Variants in SGCZ observed in about 807,000 individuals in gnomAD.
SGCZ encodes the protein zeta-sarcoglycan.
Under a neutral mutation model 41.3 loss-of-function variants are expected in SGCZ, and 40 were observed. The observed-to-expected ratio is 0.97, with a 90% CI of 0.75 to 1.26. The LOEUF is 1.26. SGCZ is among the 50% of genes most tolerant of loss of function. The probability of loss-of-function intolerance (pLI) is 0.00; values close to 1 mark genes in which losing one functional copy is unlikely to be tolerated. For missense variants in SGCZ, 552 were observed against 369.8 expected, an observed-to-expected ratio of 1.49 and a Z score of -4.04; for synonymous variants, 206 against 137.5, an observed-to-expected ratio of 1.50 and a Z score of -3.49.
At chr8:15,216,239 T>TC (rs1801397444) in intron 1 of SGCZ, among the ~76,000 whole-genome samples, 1 of 149,774 alleles carries the variant, frequency 6.7e-6, no homozygotes, top group Admixed American at 6.7e-5. Context: ...TTTTTTTTTT[T>TC]GAGACGGTGT....
At chr8:14,149,656 GA>G (rs35798060) in intron 5 of SGCZ, among the ~76,000 whole-genome samples, 20 of 140,486 alleles carry the variant, frequency 1.4e-4, no homozygotes, top group East Asian at 6.2e-4. Flanking sequence ...TTCTTCATAG[GA>G]AAAAAAAAAA....
At chr8:14,404,362 A>G (rs943350978) in intron 2 of SGCZ, among the ~76,000 whole-genome samples, 11 of 152,174 alleles carry the variant, frequency 7.2e-5, no homozygotes, top group Non-Finnish European at 1.0e-4. Context: ...CTTAGTGTAA[A>G]TGCAACATGT....
intron 1 of SGCZ, among the ~76,000 whole-genome samples, chr8:14,645,478 T>TTATATATATATATATATA (rs1046258520): frequency 0.012 from 1,270 of 106,268 alleles, 69 homozygotes; most frequent in East Asian, 0.12. Context: ...ATATATATAT[T>TTATATATATATATATATA]TATATGTATA....
chr8:14,620,529 C>A (rs2117368022), intron 1 of SGCZ, among the ~76,000 whole-genome samples: 1 of 152,100 alleles, frequency 6.6e-6, no homozygotes, highest in East Asian at 1.9e-4. Context: ...AAAATTTTTG[C>A]AACCTACTTA....
At chr8:14,330,545 G>A (rs1018513487) in intron 2 of SGCZ, among the ~76,000 whole-genome samples, 6 of 151,718 alleles carry the variant, frequency 4.0e-5, no homozygotes, top group Non-Finnish European at 7.4e-5. Context: ...TCAAACCTAC[G>A]ATTTAAGAAT....
At chr8:15,155,550 G>C (rs368027328) in intron 1 of SGCZ, among the ~76,000 whole-genome samples, 51 of 152,180 alleles carry the variant, frequency 3.4e-4, no homozygotes, top group African/African-American at 1.2e-3. Flanking sequence ...CAATGTATAC[G>C]AAACCAGCCA....
At chr8:14,732,791 G>C (rs554623663) in intron 1 of SGCZ, among the ~76,000 whole-genome samples, 23 of 152,124 alleles carry the variant, frequency 1.5e-4, no homozygotes, top group African/African-American at 5.3e-4. Flanking sequence ...CGACCCGCTT[G>C]AAACTGCAAT....
At chr8:15,068,701 A>C (rs1805241806) in intron 1 of SGCZ, among the ~76,000 whole-genome samples, 1 of 152,216 alleles carries the variant, frequency 6.6e-6, no homozygotes, top group African/African-American at 2.4e-5. Flanking sequence ...GGATGTTTTA[A>C]AGAAGAAAGT....
chr8:15,111,199 G>A (rs1807036810), intron 1 of SGCZ, among the ~76,000 whole-genome samples: 1 of 152,114 alleles, frequency 6.6e-6, no homozygotes, highest in Non-Finnish European at 1.5e-5. Context: ...CCTGGTTCTG[G>A]TGGCAGGTAA....
At chr8:14,581,395 T>G (rs1021578234) in intron 1 of SGCZ, among the ~76,000 whole-genome samples, 3 of 151,972 alleles carry the variant, frequency 2.0e-5, no homozygotes, top group Non-Finnish European at 4.4e-5. Flanking sequence ...GCATGAGCCA[T>G]GAGCCACTGC....
intron 1 of SGCZ, among the ~76,000 whole-genome samples, chr8:14,679,459 G>T (rs1808373415): frequency 6.6e-6 from 1 of 151,212 alleles, no homozygotes; most frequent in African/African-American, 2.4e-5. Flanking sequence ...TAATATGTGT[G>T]TTCGTGTATT....
rs1040710526 is a variant in SGCZ, at chr8:14,085,157, A to G, written c.*5286T>C. On this transcript the variant is annotated 3_prime_UTR_variant, in exon 8 of 8. Coordinates refer to ENST00000382080, the MANE Select transcript of SGCZ (RefSeq NM_139167.4). ...ATTTAAATAGAAAAAGTGATTTTAC[A>G]TAAAGCAAGATAGAGTACAAAAGCA... Among the ~76,000 whole-genome samples the G allele has an allele frequency of 5.9e-5, 9 of 151,850 alleles. No homozygotes were observed. Among genetic ancestry groups the G allele is most frequent in the African/African-American group, 2.2e-4 (9 of 41,424 alleles).
At chr8:14,494,889 T>A (rs1801946214) in intron 2 of SGCZ, among the ~76,000 whole-genome samples, 1 of 152,216 alleles carries the variant, frequency 6.6e-6, no homozygotes, top group Non-Finnish European at 1.5e-5. Flanking sequence ...AATTTGCTTA[T>A]GTTAGGCATG....
At chr8:14,536,656 C>G (rs1803306076) in intron 2 of SGCZ, among the ~76,000 whole-genome samples, 1 of 151,844 alleles carries the variant, frequency 6.6e-6, no homozygotes, top group Non-Finnish European at 1.5e-5. Flanking sequence ...AATAGAAGCA[C>G]TTAAACATAA....
At chr8:14,547,717 C>A (rs754837935) in intron 2 of SGCZ, among the ~76,000 whole-genome samples, 1 of 152,050 alleles carries the variant, frequency 6.6e-6, no homozygotes, top group African/African-American at 2.4e-5. Context: ...GCACCGAAGC[C>A]AGAGAAGTTC....
At chr8:14,712,186 TTTAA>T (rs1280831500) in intron 1 of SGCZ, among the ~76,000 whole-genome samples, 2 of 152,030 alleles carry the variant, frequency 1.3e-5, no homozygotes, top group Non-Finnish European at 2.9e-5. Flanking sequence ...AGCATTTCAC[TTTAA>T]TTAAGTATTT....
intron 1 of SGCZ, among the ~76,000 whole-genome samples, chr8:14,988,139 G>A (rs1264512630): frequency 6.6e-6 from 1 of 151,738 alleles, no homozygotes; most frequent in Non-Finnish European, 1.5e-5. Flanking sequence ...GGATATTTAG[G>A]GGATACATCT....
intron 3 of SGCZ, among the ~76,000 whole-genome samples, chr8:14,284,742 T>A (rs1800566759): frequency 6.6e-6 from 1 of 152,180 alleles, no homozygotes; most frequent in Non-Finnish European, 1.5e-5. Flanking sequence ...ATTTGGAATT[T>A]TTTTTAATAC....
intron 4 of SGCZ, among the ~76,000 whole-genome samples, chr8:14,226,028 A>C (rs1317120506): frequency 6.6e-6 from 1 of 152,038 alleles, no homozygotes; most frequent in African/African-American, 2.4e-5. Flanking sequence ...ACGATGGTAT[A>C]AGTGATATTC....
Sources: gnomAD v4.1 joint callset for allele counts (sites outside exome capture counted in the v4.1 genomes callset) on GRCh38, gnomAD v4.1.1 for gene constraint, MANE v1.5 for transcripts, NCBI Gene and HGNC (gene_info 2026-07-23, HGNC 2026-07-21) for gene names.